The following NOTCH2 variants were observed in gnomAD, a reference collection of about 807,000 sequenced individuals.
NOTCH2 encodes neurogenic locus notch homolog protein 2.
A neutral mutation model predicts 235.8 loss-of-function variants in NOTCH2; 29 were observed. That is an observed-to-expected ratio of 0.12 (90% CI 0.09 to 0.17). The LOEUF is 0.17. NOTCH2 is among the 10% of genes least tolerant of loss of function. The pLI is 1.00. For synonymous variants in NOTCH2, 1,086 were observed against 1,141.5 expected (o/e 0.95, Z 0.98); for missense variants, 2,285 against 3,150.2 (o/e 0.73, Z 6.57).
intron 2 of NOTCH2, among the ~76,000 whole-genome samples, chr1:120,028,696 C>T (rs1345334288): frequency 7.2e-6 from 1 of 138,278 alleles, no homozygotes; most frequent in Non-Finnish European, 1.5e-5. Flanking sequence ...TAATTACATT[C>T]CTGGTAAGAA....
intron 19 of NOTCH2, among the ~76,000 whole-genome samples, chr1:119,939,782 T>C (rs1570675988): frequency 6.6e-6 from 1 of 152,210 alleles, no homozygotes; most frequent in Admixed American, 6.5e-5. Context: ...TCGTGATCCA[T>C]GGAATCAGCA....
At chr1:120,045,702 C>T (rs1654758118) in intron 1 of NOTCH2, among the ~76,000 whole-genome samples, 2 of 152,236 alleles carry the variant, frequency 1.3e-5, no homozygotes, top group Non-Finnish European at 2.9e-5. Flanking sequence ...TCTTTTCTAC[C>T]TCAAGTATAC....
chr1:119,930,180 A>G (rs2101171250), intron 22 of NOTCH2, among the ~76,000 whole-genome samples: 1 of 152,352 alleles, frequency 6.6e-6, no homozygotes, highest in African/African-American at 2.4e-5. Context: ...ATGACTATAC[A>G]TAGGTTATGT....
intron 29 of NOTCH2, 105 bp downstream of exon 29, chr1:119,921,608 T>A: frequency 4.4e-6 from 4 of 913,834 alleles, no homozygotes; most frequent in Non-Finnish European, 7.3e-6. Context: ...ACATCAAGAC[T>A]ATCACTCTTT....
chr1:119,935,430 G>A, intron 22 of NOTCH2, 42 bp downstream of exon 22: 1 of 1,614,028 alleles, frequency 6.2e-7, no homozygotes, highest in Non-Finnish European at 8.5e-7. Flanking sequence ...TATAACTTAA[G>A]ACAATGCCCT....
intron 17 of NOTCH2, among the ~76,000 whole-genome samples, chr1:119,944,534 A>G (rs1216434311): frequency 6.1e-5 from 8 of 131,714 alleles, no homozygotes; most frequent in Non-Finnish European, 1.2e-4. Flanking sequence ...GACTCAGTCT[A>G]AAAAAAAAAA....
In NOTCH2 at chr1:120,057,080, T is replaced by G. The variant is rs1386966334; in HGVS notation, c.73+12254A>C. 8.2e-5 allele frequency among the ~76,000 whole-genome samples: 10 copies of G among 121,418 alleles called. 2 individuals are homozygous for G. The highest frequency in any genetic ancestry group is 2.0e-4 in the African/African-American group (3 of 14,664). The allele number at this position is 121,418 out of a possible 152,430, so 79.7% of individuals were successfully genotyped here. ...CCACAGGTTGCAAAGATGATGTTCC[T>G]ATTTCCTCATGAAGGTTCCCAATCA... On this transcript the variant is annotated intron_variant, in intron 1 of 33. Transcript: ENST00000256646.
rs1335485516 is a variant in NOTCH2, at chr1:119,912,599, TC to T, written c.*2706del. On this transcript the variant is annotated 3_prime_UTR_variant, in exon 34 of 34. Transcript: ENST00000256646. ...GCAAATAAACAAACAAAAAAACCTA[TC>T]CCCAAAGGCAGGCAGAAGAGGAGTC... 4.3e-6 allele frequency: 1 copy of T among 232,406 alleles called. No homozygotes were observed. Among genetic ancestry groups the T allele is most frequent in the Non-Finnish European group, 8.5e-6 (1 of 117,882 alleles). The allele number at this position is 232,406 out of a possible 1,614,324, so 14.4% of individuals were successfully genotyped here.
intron 21 of NOTCH2, 100 bp from the exon 22 acceptor site, chr1:119,935,704 A>G: frequency 7.7e-7 from 1 of 1,297,214 alleles, no homozygotes; most frequent in Non-Finnish European, 1.1e-6. Context: ...ACTGTCTCCC[A>G]CCTCCTAATT....
At position 119,948,574 on chromosome 1, in the gene NOTCH2, C is replaced by T; in HGVS notation, c.2600-8G>A. The T allele has an allele frequency of 6.2e-7, 1 of 1,614,148 alleles. No individual in the cohort carries two copies. Among genetic ancestry groups the T allele is most frequent in the African/African-American group, 1.3e-5 (1 of 75,044 alleles). On this transcript the variant is annotated splice_polypyrimidine_tract_variant and splice_region_variant and intron_variant, in intron 16 of 33. Coordinates refer to ENST00000256646, the MANE Select transcript of NOTCH2 (RefSeq NM_024408.4). ...CAATGGTACACCGCTGACCTAGGAA[C>T]ACAGGGCCAATAAATGACCTAGTCC...
chr1:119,925,739 G>C lies in NOTCH2; in HGVS notation c.4077C>G (p.His1359Gln). ...VKCRKGEQCV[H>Q]TASGPRCFCP... is the part of the protein sequence containing the mutation. ...AGAAGCAGCGGGGTCCAGAGGCGGT[G>C]TGCACACACTGCTCCCCCTTCCTAC... is the stretch of plus-strand genomic sequence containing the variant. Residue 1359 changes from histidine (H) to glutamine (Q), a missense_variant, in exon 25 of 34, where the codon CAC becomes CAG. Physicochemically the swap from His to Gln is conservative, Grantham distance 24. Coordinates refer to ENST00000256646, the MANE Select transcript of NOTCH2 (RefSeq NM_024408.4). The C allele has an allele frequency of 6.2e-7, 1 of 1,614,044 alleles. No individual in the cohort carries two copies. Among genetic ancestry groups the C allele is most frequent in the Non-Finnish European group, 8.5e-7 (1 of 1,180,002 alleles).
chr1:119,936,834 A>G (rs1271317384), intron 21 of NOTCH2, among the ~76,000 whole-genome samples: 2 of 152,024 alleles, frequency 1.3e-5, no homozygotes, highest in African/African-American at 4.8e-5. Context: ...GCATGATGCT[A>G]TGGGGAACAG....
At chr1:119,973,923 T>C (rs1651464722) in intron 5 of NOTCH2, among the ~76,000 whole-genome samples, 1 of 152,150 alleles carries the variant, frequency 6.6e-6, no homozygotes, top group Admixed American at 6.6e-5. Context: ...TGGGAGGTCA[T>C]TGAGGCTTTG....
rs2101154306 is a variant in NOTCH2 at position 119,922,308 on chromosome 1, C to G, written c.5141G>C (p.Gly1714Ala). The change falls in exon 28 of 34, where the codon GGT becomes GCT. Residue 1714 changes from glycine to alanine, a missense_variant. Gly to Ala is a moderately conservative substitution (Grantham distance 60). This residue lies in a region of NOTCH2 where 1,173 missense variants were observed against 1,515.3 expected (regional missense o/e 0.77). Transcript: ENST00000256646. ...RKHGSLWLPE[G>A]FTLRRDASNH... Reference sequence around the variant, plus strand: ...GCTTGCATCTCGGCGAAGAGTGAAACCTTCAGGCAGCCAGAGAGAGCCATG... The same window carrying G: ...GCTTGCATCTCGGCGAAGAGTGAAAGCTTCAGGCAGCCAGAGAGAGCCATG... The G allele has an allele frequency of 6.2e-7, 1 of 1,614,152 alleles. No individual in the cohort carries two copies. The highest frequency in any genetic ancestry group is 8.5e-7 in the Non-Finnish European group (1 of 1,180,030).
intron 5 of NOTCH2, among the ~76,000 whole-genome samples, chr1:119,981,885 A>G (rs1000508084): frequency 9.9e-5 from 15 of 152,120 alleles, no homozygotes; most frequent in Non-Finnish European, 1.9e-4. Flanking sequence ...GCTTTGAAAT[A>G]CCATATATAA....
chr1:119,932,011 T>TATATATATATGTATATATAC (rs1649680993), intron 22 of NOTCH2, among the ~76,000 whole-genome samples: 1 of 141,772 alleles, frequency 7.1e-6, no homozygotes, highest in Non-Finnish European at 1.6e-5. Context: ...TATATATACA[T>TATATATATATGTATATATAC]ATATATATAT....
Position 119,948,519 on chromosome 1 carries a change from T to C in NOTCH2, c.2647A>G (p.Met883Val), listed in dbSNP as rs145079718. 1.5e-5 allele frequency: 24 copies of C among 1,614,198 alleles called. No homozygotes were observed. The African/African-American group carries it at 1.6e-4, about 11-fold the overall frequency. ...DIDECISKPC[M>V]NHGLCHNTQG... ...GTGTTATGGCAGAGACCATGGTTCA[T>C]GCAGGGCTTGGAGATACACTCGTCA... Residue 883 changes from methionine (M) to valine (V), a missense_variant, in exon 17 of 34, where the codon ATG becomes GTG. Physicochemically the swap from Met to Val is conservative, Grantham distance 21. Transcript: ENST00000256646.
intron 12 of NOTCH2, among the ~76,000 whole-genome samples, chr1:119,955,789 C>A (rs1438486069): frequency 1.3e-5 from 2 of 151,720 alleles, no homozygotes; most frequent in Non-Finnish European, 2.9e-5. Flanking sequence ...TTTTTTTGAC[C>A]TCAGGAAGTA....
intron 1 of NOTCH2, among the ~76,000 whole-genome samples, chr1:120,065,842 T>G (rs1430062878): frequency 2.0e-5 from 3 of 152,198 alleles, no homozygotes; most frequent in Non-Finnish European, 2.9e-5. Context: ...GCATTCGAAC[T>G]GAGACATCAA....
Sources: allele counts gnomAD v4.1 joint callset (sites outside exome capture counted in the v4.1 genomes callset), GRCh38; gene constraint gnomAD v4.1.1; regional missense constraint gnomAD v4.1.1; transcripts MANE v1.5; gene names NCBI Gene and HGNC (gene_info 2026-07-23, HGNC 2026-07-21).